The following TNIK variants were observed in gnomAD, a reference collection of about 807,000 sequenced individuals.
TNIK encodes TRAF2 and NCK-interacting protein kinase.
TNIK carries 49 observed loss-of-function variants against 191.3 expected under a neutral mutation model. The ratio of observed to expected loss-of-function variants is 0.26; its 90% CI spans 0.20 to 0.32. The LOEUF is 0.32. Ranked by LOEUF, TNIK falls within the 10% of genes least tolerant of loss-of-function variation. TNIK has a pLI of 1.00. For missense variants in TNIK, 1,155 were observed against 1,702.3 expected, an observed-to-expected ratio of 0.68 and a Z score of 5.66; for synonymous variants, 594 against 600.9, an observed-to-expected ratio of 0.99 and a Z score of 0.17.
At chr3:171,110,437 G>A (rs146929139) in intron 19 of TNIK, among the ~76,000 whole-genome samples, 1 of 152,292 alleles carries the variant, frequency 6.6e-6, no homozygotes, top group African/African-American at 2.4e-5. Flanking sequence ...ACTGGTAAGT[G>A]ACTGTATTTT....
chr3:171,221,869 G>T (rs535445368), intron 3 of TNIK, among the ~76,000 whole-genome samples: 1 of 152,098 alleles, frequency 6.6e-6, no homozygotes, highest in South Asian at 2.1e-4. Context: ...AAATTGGCAC[G>T]TAGTTCACAG....
At chr3:171,109,584 A>C (rs771949441) in intron 19 of TNIK, among the ~76,000 whole-genome samples, 3 of 152,270 alleles carry the variant, frequency 2.0e-5, no homozygotes, top group Non-Finnish European at 4.4e-5. Context: ...TGTAATAAAG[A>C]GTCTAAGAAA....
At chr3:171,436,884 C>T (rs1726094418) in intron 1 of TNIK, among the ~76,000 whole-genome samples, 1 of 152,190 alleles carries the variant, frequency 6.6e-6, no homozygotes, top group Admixed American at 6.5e-5. Context: ...CTTTCATCCC[C>T]ATCCCCAGCC....
At chr3:171,438,373 C>G (rs559216513) in intron 1 of TNIK, among the ~76,000 whole-genome samples, 22 of 152,316 alleles carry the variant, frequency 1.4e-4, no homozygotes, top group African/African-American at 5.3e-4. Context: ...CTCTTAAAGG[C>G]TAAAAACACA....
intron 2 of TNIK, among the ~76,000 whole-genome samples, chr3:171,361,476 G>A (rs1714965772): frequency 6.6e-6 from 1 of 152,150 alleles, no homozygotes; most frequent in Non-Finnish European, 1.5e-5. Flanking sequence ...ATACTCAACA[G>A]ATCATAGCAC....
intron 2 of TNIK, among the ~76,000 whole-genome samples, chr3:171,309,590 C>A (rs1473596202): frequency 6.6e-6 from 1 of 152,126 alleles, no homozygotes; most frequent in Non-Finnish European, 1.5e-5. Flanking sequence ...ATTTAATAAA[C>A]TCCCAATTAC....
At chr3:171,418,503 T>C (rs1364013698) in intron 1 of TNIK, among the ~76,000 whole-genome samples, 3 of 152,176 alleles carry the variant, frequency 2.0e-5, no homozygotes, top group African/African-American at 7.2e-5. Context: ...TGAAATATTA[T>C]TTGGTCATTA....
At position 171,068,900 on chromosome 3, in the gene TNIK, T is replaced by C. The variant is rs1445344120; in HGVS notation, c.3647A>G (p.His1216Arg). Residue 1216 changes from histidine to arginine, a missense_variant, in exon 30 of 33, where the codon CAT becomes CGT. His to Arg is a conservative substitution (Grantham distance 29). Around this residue, in one of 3 missense-constraint regions of TNIK, gnomAD observed 195 missense variants for 415.4 expected, o/e 0.47. Transcript: ENST00000436636. ...GTTTCCTGAATCAACATCAATTACA[T>C]GGAAACCAGTGTGTGAACCAAAAAT... ...KVIFGSHTGF[H>R]VIDVDSGNSY... The C allele has an allele frequency of 6.2e-7, 1 of 1,613,844 alleles. No homozygotes were observed. Among genetic ancestry groups the C allele is most frequent in the East Asian group, 2.2e-5 (1 of 44,854 alleles).
chr3:171,265,361 T>C (rs958061492), intron 2 of TNIK, among the ~76,000 whole-genome samples: 3 of 152,198 alleles, frequency 2.0e-5, no homozygotes, highest in Admixed American at 1.3e-4. Context: ...ATTTTAAAGA[T>C]GTGTGGATGC....
intron 16 of TNIK, 76 bp from the exon 17 acceptor site, chr3:171,126,227 G>T: frequency 9.0e-7 from 1 of 1,108,232 alleles, no homozygotes; most frequent in Non-Finnish European, 1.2e-6. Context: ...TGAGCTGAAG[G>T]AAAAAAAAAA....
chr3:171,330,061 C>A (rs1468411070), intron 2 of TNIK, among the ~76,000 whole-genome samples: 1 of 152,220 alleles, frequency 6.6e-6, no homozygotes. Flanking sequence ...GCAGTTCTGA[C>A]TGTCCTAAAT....
Position 171,394,749 on chromosome 3 carries a change from C to A in TNIK, c.58-25064G>T, listed in dbSNP as rs531142967. On this transcript the variant is annotated intron_variant, in intron 1 of 32. Transcript: ENST00000436636. The stretch of plus-strand genomic sequence containing the variant: ...TTCAAGAAAAATTGTTTCTTAGTTT[C>A]TTTCCATTCTATAATTTTGTTATTT... Among the ~76,000 whole-genome samples, 131 of 152,302 alleles carry A rather than the reference C, an allele frequency of 8.6e-4. 2 individuals are homozygous for A. Among genetic ancestry groups the A allele is most frequent in the African/African-American group, 3.0e-3 (125 of 41,566 alleles).
chr3:171,136,512 C>CA (rs1729993063), intron 15 of TNIK, among the ~76,000 whole-genome samples: 2 of 152,182 alleles, frequency 1.3e-5, no homozygotes. Context: ...CCTGAGGCTT[C>CA]ATTTGTTCTT....
chr3:171,286,638 AAAAC>A (rs1156995485), intron 2 of TNIK, among the ~76,000 whole-genome samples: 2 of 152,232 alleles, frequency 1.3e-5, no homozygotes, highest in African/African-American at 4.8e-5. Context: ...CTGTCTCAAG[AAAAC>A]AAACAAACAA....
intron 2 of TNIK, among the ~76,000 whole-genome samples, chr3:171,322,623 A>G (rs1475824351): frequency 6.6e-6 from 1 of 152,158 alleles, no homozygotes; most frequent in East Asian, 1.9e-4. Context: ...AACTTGGTCT[A>G]CTTCTACCAT....
chr3:171,401,610 G>A (rs1485243641), intron 1 of TNIK, among the ~76,000 whole-genome samples: 2 of 152,104 alleles, frequency 1.3e-5, no homozygotes, highest in African/African-American at 4.8e-5. Flanking sequence ...AACAAGGCAT[G>A]TGGGGGCAGG....
chr3:171,402,712 G>T (rs188573637), intron 1 of TNIK, among the ~76,000 whole-genome samples: 2 of 152,222 alleles, frequency 1.3e-5, no homozygotes, highest in African/African-American at 2.4e-5. Flanking sequence ...AGAATCAAAG[G>T]TTAGCTCTCC....
intron 12 of TNIK, among the ~76,000 whole-genome samples, chr3:171,142,785 G>T (rs1485462115): frequency 6.6e-6 from 1 of 152,180 alleles, no homozygotes; most frequent in African/African-American, 2.4e-5. Context: ...CCAGCACAGA[G>T]AATAAAATAA....
In TNIK at chr3:171,180,525, A is replaced by G. The variant is rs115390029; in HGVS notation, c.640-3145T>C. 4.3e-3 allele frequency among the ~76,000 whole-genome samples: 648 copies of G among 152,352 alleles called. 6 individuals carry two copies. The highest frequency in any genetic ancestry group is 0.015 in the African/African-American group (622 of 41,570). ...TGTCTGATGTATCCAAAGTACCTAGAACTGCTCCTGGCACACAGTAGGCCC... is the reference window on the plus strand; with the variant it reads ...TGTCTGATGTATCCAAAGTACCTAGGACTGCTCCTGGCACACAGTAGGCCC... On this transcript the variant is annotated intron_variant, in intron 7 of 32. Transcript: ENST00000436636.
Sources: gnomAD v4.1 joint callset for allele counts (sites outside exome capture counted in the v4.1 genomes callset) on GRCh38, gnomAD v4.1.1 for gene constraint, gnomAD v4.1.1 regional missense constraint, MANE v1.5 for transcripts, NCBI Gene and HGNC (gene_info 2026-07-23, HGNC 2026-07-21) for gene names.